Variants in LRRC4C observed in about 807,000 individuals in gnomAD.
The protein encoded by LRRC4C is leucine-rich repeat-containing protein 4C.
LRRC4C carries 5 observed loss-of-function variants against 33.6 expected under a neutral mutation model. The observed-to-expected ratio is 0.15, with a 90% CI of 0.08 to 0.31. The LOEUF (loss-of-function observed/expected upper bound fraction) is 0.31. LRRC4C is among the 10% of genes least tolerant of loss of function. The probability of loss-of-function intolerance (pLI) is 1.00; values close to 1 mark genes in which losing one functional copy is unlikely to be tolerated. For synonymous variants in LRRC4C, 329 were observed against 302.0 expected, an observed-to-expected ratio of 1.09 and a Z score of -0.93; for missense variants, 560 against 796.7, an observed-to-expected ratio of 0.70 and a Z score of 3.58.
chr11:41,293,934 A>C (rs1032369893), intron 1 of LRRC4C, among the ~76,000 whole-genome samples: 6 of 152,128 alleles, frequency 3.9e-5, no homozygotes, highest in African/African-American at 1.4e-4. Context: ...ATGCTGATAC[A>C]CATATGTGCA....
intron 3 of LRRC4C, among the ~76,000 whole-genome samples, chr11:40,356,906 A>G (rs903117895): frequency 1.3e-5 from 2 of 152,144 alleles, no homozygotes; most frequent in African/African-American, 4.8e-5. Flanking sequence ...CCATTAGAAG[A>G]AAGGCTGTTA....
intron 1 of LRRC4C, among the ~76,000 whole-genome samples, chr11:41,214,394 A>G (rs971867772): frequency 7.2e-5 from 11 of 151,928 alleles, no homozygotes; most frequent in African/African-American, 2.4e-4. Flanking sequence ...AATAAAAATG[A>G]AAAAGAGAAA....
intron 1 of LRRC4C, among the ~76,000 whole-genome samples, chr11:41,335,394 C>A (rs566072664): frequency 1.3e-5 from 2 of 152,222 alleles, no homozygotes; most frequent in South Asian, 4.1e-4. Flanking sequence ...CATTCACATC[C>A]AGATTGAAAG....
intron 2 of LRRC4C, among the ~76,000 whole-genome samples, chr11:40,813,697 A>T (rs543494562): frequency 3.3e-5 from 5 of 152,218 alleles, no homozygotes; most frequent in African/African-American, 1.2e-4. Flanking sequence ...GATCCTGTAA[A>T]ATCAAAAGCA....
chr11:40,164,783 G>A (rs943524507), intron 5 of LRRC4C, among the ~76,000 whole-genome samples: 2 of 152,116 alleles, frequency 1.3e-5, no homozygotes, highest in Non-Finnish European at 2.9e-5. Context: ...AGTGAAAAAT[G>A]TTTGAGGTGA....
At chr11:40,639,466 C>A (rs992198222) in intron 3 of LRRC4C, among the ~76,000 whole-genome samples, 1 of 152,192 alleles carries the variant, frequency 6.6e-6, no homozygotes, top group African/African-American at 2.4e-5. Context: ...GAATTGTTCT[C>A]ACAGAGCTGA....
intron 1 of LRRC4C, among the ~76,000 whole-genome samples, chr11:41,415,593 G>C (rs182534231): frequency 6.6e-6 from 1 of 152,190 alleles, no homozygotes; most frequent in Admixed American, 6.5e-5. Context: ...TGAGAGTACT[G>C]TGTGTCCCCA....
intron 5 of LRRC4C, among the ~76,000 whole-genome samples, chr11:40,155,264 G>A (rs991327452): frequency 6.6e-6 from 1 of 151,756 alleles, no homozygotes; most frequent in Non-Finnish European, 1.5e-5. Flanking sequence ...CTCTGAAAGA[G>A]TACAAAGAGA....
rs1283968039 is a variant in LRRC4C at position 41,442,571 on chromosome 11, G to A, written c.-496+16860C>T. Reference sequence around the variant, plus strand: ...TGCAAGCTCCGCCTCCTGGGTTCACGCCATTCTCCTGCCTCAGCCTCCCGA... The same window carrying A: ...TGCAAGCTCCGCCTCCTGGGTTCACACCATTCTCCTGCCTCAGCCTCCCGA... On this transcript the variant is annotated intron_variant, in intron 1 of 6. Transcript: ENST00000528697. Among the ~76,000 whole-genome samples the A allele has an allele frequency of 6.7e-4, 91 of 135,756 alleles. 1 individual carries two copies. The highest frequency in any genetic ancestry group is 1.1e-3 in the Non-Finnish European group (72 of 65,330). 89.1% of individuals were successfully genotyped at this position (135,756 alleles called of 152,430 possible).
chr11:41,243,767 G>T (rs181269335), intron 1 of LRRC4C, among the ~76,000 whole-genome samples: 2 of 152,238 alleles, frequency 1.3e-5, no homozygotes, highest in East Asian at 3.9e-4. Context: ...AATTTGGAGA[G>T]CTGCTTTAAC....
chr11:40,374,746 G>A (rs555073121), intron 3 of LRRC4C, among the ~76,000 whole-genome samples: 2 of 152,176 alleles, frequency 1.3e-5, no homozygotes, highest in South Asian at 2.1e-4. Context: ...AAATGCTACT[G>A]TGTTATTAAT....
At position 40,115,085 on chromosome 11, in the gene LRRC4C, A is replaced by G. The variant is rs139317296; in HGVS notation, c.1208T>C (p.Ile403Thr). The change falls in exon 7 of 7, where the codon ATA (isoleucine) becomes ACA (threonine). Residue 403 changes from isoleucine to threonine, a missense_variant. Transcript: ENST00000528697. This position sits in a 1 kb window ranked among gnomAD's most constrained non-coding sequence, Gnocchi z 6.7. ...VMTHGAYKVR[I>T]AVLSDGTLNF... ...TAACGTACCATCACTGAGCACAGCTATCCGCACTTTGTACGCCCCATGTGT... is the reference window on the plus strand; with the variant it reads ...TAACGTACCATCACTGAGCACAGCTGTCCGCACTTTGTACGCCCCATGTGT... 10 of 1,614,220 alleles carry G rather than the reference A, an allele frequency of 6.2e-6. No individual in the cohort carries two copies. In the East Asian group the frequency reaches 2.2e-4, roughly 36 times the overall value.
At chr11:41,218,139 CAAA>C (rs57736277) in intron 1 of LRRC4C, among the ~76,000 whole-genome samples, 9 of 142,702 alleles carry the variant, frequency 6.3e-5, no homozygotes, top group Admixed American at 1.4e-4. Flanking sequence ...TCAAGGTCAC[CAAA>C]AAAAAAAAAA....
intron 2 of LRRC4C, among the ~76,000 whole-genome samples, chr11:40,915,340 A>C (rs1025146514): frequency 6.6e-6 from 1 of 152,208 alleles, no homozygotes; most frequent in African/African-American, 2.4e-5. Flanking sequence ...ACTGGTACCA[A>C]AACAGAGATA....
intron 2 of LRRC4C, among the ~76,000 whole-genome samples, chr11:40,705,961 G>A (rs958924631): frequency 4.6e-5 from 7 of 152,160 alleles, no homozygotes; most frequent in African/African-American, 9.6e-5. Context: ...GACCAGTGAT[G>A]ATGAGCATTT....
chr11:41,063,803 T>C (rs1347848378), intron 1 of LRRC4C, among the ~76,000 whole-genome samples: 2 of 152,180 alleles, frequency 1.3e-5, no homozygotes, highest in Admixed American at 6.5e-5. Context: ...AGCAGAGAAA[T>C]AGCATGACCA....
intron 1 of LRRC4C, among the ~76,000 whole-genome samples, chr11:41,074,300 C>T (rs1032992413): frequency 6.6e-6 from 1 of 152,130 alleles, no homozygotes; most frequent in African/African-American, 2.4e-5. Context: ...CTTCTTAAAA[C>T]TTCTGAAGAA....
chr11:41,449,964 C>T (rs982063134), intron 1 of LRRC4C, among the ~76,000 whole-genome samples: 4 of 152,194 alleles, frequency 2.6e-5, no homozygotes, highest in South Asian at 2.1e-4. Context: ...TGTCATCCCT[C>T]TAGCTTGAGA....
At chr11:41,166,574 A>G (rs1191815153) in intron 1 of LRRC4C, among the ~76,000 whole-genome samples, 1 of 152,172 alleles carries the variant, frequency 6.6e-6, no homozygotes, top group Non-Finnish European at 1.5e-5. Context: ...GCCCTCTGTT[A>G]GAAATGTTCT....
Sources: gnomAD v4.1 joint callset for allele counts (sites outside exome capture counted in the v4.1 genomes callset) on GRCh38, gnomAD v4.1.1 for gene constraint, Gnocchi (gnomAD v3.1) non-coding constraint, MANE v1.5 for transcripts, NCBI Gene and HGNC (gene_info 2026-07-23, HGNC 2026-07-21) for gene names.